SV2B: variants seen among roughly 807,000 people sequenced by gnomAD.
SV2B encodes the protein solute carrier family 22 member B2.
In SV2B, 41 loss-of-function variants were observed where a neutral mutation model predicts 73.9. The observed-to-expected ratio is 0.56, with a 90% CI of 0.43 to 0.72. The LOEUF is 0.72. SV2B is among the 30% of genes least tolerant of loss of function. The probability of loss-of-function intolerance (pLI) is 0.00; values close to 1 mark genes in which losing one functional copy is unlikely to be tolerated. For missense variants in SV2B, 764 were observed against 857.8 expected (o/e 0.89, Z 1.37); for synonymous variants, 314 against 314.2 (o/e 1.00, Z 0.01).
At position 91,208,811 on chromosome 15, in the gene SV2B, CCTT is replaced by C. The variant is rs1422084813; in HGVS notation, c.-391-17056_-391-17054del. On this transcript the variant is annotated intron_variant, in intron 1 of 12. Transcript: ENST00000394232. ...CTGGGTGGCTCACTCACACTCATCT[CCTT>C]CTTCTGCTCCATTCAGGACTCCAAA... is the stretch of plus-strand genomic sequence containing the variant. Among the ~76,000 whole-genome samples, 3 of 152,290 alleles carry C rather than the reference CCTT, an allele frequency of 2.0e-5. No individual in the cohort carries two copies. In the East Asian group the frequency reaches 5.8e-4, roughly 29 times the overall value.
At chr15:91,206,201 C>CTTTTTTTT (rs538615675) in intron 1 of SV2B, among the ~76,000 whole-genome samples, 1 of 101,920 alleles carries the variant, frequency 9.8e-6, no homozygotes, top group Non-Finnish European at 2.0e-5. Context: ...CCATGCCTGG[C>CTTTTTTTT]TTTTTTTTTT....
At chr15:91,126,711 GTCAA>G (rs531964323) in intron 1 of SV2B, among the ~76,000 whole-genome samples, 119 of 152,248 alleles carry the variant, frequency 7.8e-4, no homozygotes, top group African/African-American at 2.7e-3. Context: ...ATGTTTAAAA[GTCAA>G]TCAATGTAAT....
In SV2B at chr15:91,302,108, A is replaced by C. The variant is rs1238351076; in HGVS notation, c.*9556A>C. ...AGAGGATCCCACAAGACTGTGACCT[A>C]ATAAAACCCTCATTTTCCCTATGCA... On this transcript the variant is annotated 3_prime_UTR_variant, in exon 13 of 13. Coordinates refer to ENST00000394232, the MANE Select transcript of SV2B (RefSeq NM_001323032.3). 2.0e-5 allele frequency among the ~76,000 whole-genome samples: 3 copies of C among 152,236 alleles called. No homozygotes were observed. The highest frequency in any genetic ancestry group is 7.2e-5 in the African/African-American group (3 of 41,448).
Position 91,294,879 on chromosome 15 carries a change from C to T in SV2B, c.*2327C>T, listed in dbSNP as rs1020221419. ...AGCCAATCAAGGGCAATTCCCATCTCATCCATCACTCAGGTCTTTGTAAAG... is the reference window on the plus strand; with the variant it reads ...AGCCAATCAAGGGCAATTCCCATCTTATCCATCACTCAGGTCTTTGTAAAG... On this transcript the variant is annotated 3_prime_UTR_variant, in exon 13 of 13. Coordinates refer to ENST00000394232, the MANE Select transcript of SV2B (RefSeq NM_001323032.3). The surrounding 1 kb of genome is among the most constrained non-coding windows in gnomAD (Gnocchi z 4.1). 2.0e-5 allele frequency: 3 copies of T among 152,670 alleles called. No homozygotes were observed. The highest frequency in any genetic ancestry group is 4.8e-5 in the African/African-American group (2 of 41,464). 9.5% of individuals were successfully genotyped at this position (152,670 alleles called of 1,614,324 possible).
At chr15:91,286,941 T>C (rs2141787091) in intron 11 of SV2B, among the ~76,000 whole-genome samples, 1 of 152,272 alleles carries the variant, frequency 6.6e-6, no homozygotes, top group African/African-American at 2.4e-5. Context: ...TTAGCTGATG[T>C]GTCAGATCAT....
chr15:91,147,965 CTTTTTTTTTTTTTTTTTTT>C (rs60896008), intron 1 of SV2B, among the ~76,000 whole-genome samples: 5 of 39,262 alleles, frequency 1.3e-4, no homozygotes, highest in Non-Finnish European at 2.2e-4. Flanking sequence ...CCCCCCCCAA[CTTTTTTTTTTTTTTTTTTT>C]TTTTTTTTTT....
At chr15:91,215,701 C>A (rs1421777277) in intron 1 of SV2B, among the ~76,000 whole-genome samples, 1 of 151,966 alleles carries the variant, frequency 6.6e-6, no homozygotes, top group Non-Finnish European at 1.5e-5. Flanking sequence ...AAAAGTCATT[C>A]AAAAACATGT....
chr15:91,165,642 A>T (rs1406196771), intron 1 of SV2B, among the ~76,000 whole-genome samples: 1 of 152,196 alleles, frequency 6.6e-6, no homozygotes, highest in East Asian at 1.9e-4. Flanking sequence ...AAGGTCTCTG[A>T]CATCACTGTA....
At chr15:91,161,740 A>G (rs1461919203) in intron 1 of SV2B, among the ~76,000 whole-genome samples, 3 of 152,214 alleles carry the variant, frequency 2.0e-5, no homozygotes, top group South Asian at 2.1e-4. Context: ...ATCAAGATCC[A>G]TGCTTTTTTC....
intron 1 of SV2B, among the ~76,000 whole-genome samples, chr15:91,151,692 T>C (rs1336486728): frequency 6.6e-6 from 1 of 152,236 alleles, no homozygotes; most frequent in African/African-American, 2.4e-5. Flanking sequence ...CCCATTTCCT[T>C]GGAAATGACA....
At chr15:91,138,061 A>C (rs2042895173) in intron 1 of SV2B, among the ~76,000 whole-genome samples, 1 of 152,194 alleles carries the variant, frequency 6.6e-6, no homozygotes, top group Non-Finnish European at 1.5e-5. Flanking sequence ...CACATGAAGA[A>C]AGACAAGATT....
At chr15:91,102,752 T>C (rs2041769555) in intron 1 of SV2B, among the ~76,000 whole-genome samples, 1 of 152,152 alleles carries the variant, frequency 6.6e-6, no homozygotes. Context: ...GTGGGGCTTG[T>C]TATTTATTTT....
chr15:91,114,204 A>AT, intron 1 of SV2B, among the ~76,000 whole-genome samples: 1 of 151,082 alleles, frequency 6.6e-6, no homozygotes, highest in South Asian at 2.1e-4. Flanking sequence ...AAAAAAAAAA[A>AT]AAAAAGGGAC....
At chr15:91,191,362 A>G (rs1357478979) in intron 1 of SV2B, among the ~76,000 whole-genome samples, 1 of 152,100 alleles carries the variant, frequency 6.6e-6, no homozygotes, top group South Asian at 2.1e-4. Flanking sequence ...AAAGAATCCT[A>G]CTGAGATAGT....
Position 91,218,146 on chromosome 15 carries a change from C to A in SV2B, c.-391-7727C>A, listed in dbSNP as rs568493150. ...ATGGGAGCCTTCAGAAATGAAGACT[C>A]TCCAAAAAAACAGGAGAACTGTTTA... is the stretch of plus-strand genomic sequence containing the variant. On this transcript the variant is annotated intron_variant, in intron 1 of 12. Transcript: ENST00000394232. Among the ~76,000 whole-genome samples the A allele has an allele frequency of 6.2e-4, 94 of 152,194 alleles. 1 individual carries two copies. Among genetic ancestry groups the A allele is most frequent in the African/African-American group, 1.8e-3 (75 of 41,540 alleles).
In SV2B at chr15:91,258,552, G is replaced by A; in HGVS notation, c.916G>A (p.Glu306Lys). The change falls in exon 5 of 13, where the codon GAG becomes AAG. Residue 306 changes from glutamate to lysine, a missense_variant and splice_region_variant. Physicochemically the swap from Glu to Lys is moderately conservative, Grantham distance 56 (BLOSUM62 1). Coordinates refer to ENST00000394232, the MANE Select transcript of SV2B (RefSeq NM_001323032.3). The surrounding 1 kb of genome is among the most constrained non-coding windows in gnomAD (Gnocchi z 4.7). ...FMPESPRFLLEMGKHDEAWMI... is the reference protein window; with the variant it reads ...FMPESPRFLLKMGKHDEAWMI... ...GCCAGAGAGCCCAAGGTTTCTGCTA[G>A]AGGTGAGTCAGTGCTTTTCCACCAG... 6.2e-7 allele frequency: 1 copy of A among 1,613,946 alleles called. No homozygotes were observed. Among genetic ancestry groups the A allele is most frequent in the Non-Finnish European group, 8.5e-7 (1 of 1,179,908 alleles).
At position 91,140,189 on chromosome 15, in the gene SV2B, C is replaced by T. The variant is rs1386578545; in HGVS notation, c.-392+39826C>T. Among the ~76,000 whole-genome samples the T allele has an allele frequency of 2.0e-5, 3 of 152,220 alleles. No individual in the cohort carries two copies. The highest frequency in any genetic ancestry group is 7.2e-5 in the African/African-American group (3 of 41,452). On this transcript the variant is annotated intron_variant, in intron 1 of 12. Transcript: ENST00000394232. This position sits in a 1 kb window ranked among gnomAD's most constrained non-coding sequence, Gnocchi z 4.4. Reference sequence around the variant, plus strand: ...TGTTGTCCATCCAGCTATTAACAAACATTCCGTGAGTATCACAATGCTCAT... The same window carrying T: ...TGTTGTCCATCCAGCTATTAACAAATATTCCGTGAGTATCACAATGCTCAT...
chr15:91,211,888 G>A (rs966366187), intron 1 of SV2B, among the ~76,000 whole-genome samples: 3 of 137,136 alleles, frequency 2.2e-5, no homozygotes, highest in Non-Finnish European at 1.5e-5. Flanking sequence ...AGATCCTCCC[G>A]CATCAGCCTC....
At chr15:91,184,298 G>C (rs570925085) in intron 1 of SV2B, among the ~76,000 whole-genome samples, 149 of 152,290 alleles carry the variant, frequency 9.8e-4, no homozygotes, top group Middle Eastern at 3.4e-3. Flanking sequence ...TCTGGAGTCA[G>C]TCAGATGAGA....
Sources: allele counts gnomAD v4.1 joint callset (sites outside exome capture counted in the v4.1 genomes callset), GRCh38; gene constraint gnomAD v4.1.1; non-coding constraint Gnocchi (gnomAD v3.1); transcripts MANE v1.5; gene names NCBI Gene and HGNC (gene_info 2026-07-23, HGNC 2026-07-21).